The following REXO1 variants were observed in gnomAD, a reference collection of about 807,000 sequenced individuals.
REXO1 encodes the protein RNA exonuclease 1 homolog, also known as REX1, RNA exonuclease 1 homolog.
In REXO1, 42 loss-of-function variants were observed where a neutral mutation model predicts 102.6. The observed-to-expected ratio is 0.41, with a 90% CI of 0.32 to 0.53. The LOEUF (loss-of-function observed/expected upper bound fraction) is 0.53, where lower values mean the gene tolerates loss of function less well. Among genes scored for constraint, REXO1 ranks in the 20% least tolerant of loss-of-function variants. The pLI, the probability that REXO1 is intolerant of heterozygous loss-of-function variation, is 0.27. For synonymous variants in REXO1, 908 were observed against 779.1 expected (o/e 1.17, Z -2.76); for missense variants, 1,819 against 1,732.5 (o/e 1.05, Z -0.89).
rs2145286162 is a variant in REXO1 at position 1,828,443 on chromosome 19, T to C, written c.346A>G (p.Thr116Ala). Reference protein sequence around the residue: ...QRRYRELLETTREHRSAEAPA... With the variant: ...QRRYRELLETAREHRSAEAPA... ...GCCTCGGCGGAGCGGTGCTCACGGGTCGTCTCCAGCAGCTCCCGGTAGCGC... is the reference window on the plus strand; with the variant it reads ...GCCTCGGCGGAGCGGTGCTCACGGGCCGTCTCCAGCAGCTCCCGGTAGCGC... Residue 116 changes from threonine (T) to alanine (A), a missense_variant, in exon 2 of 16, where the codon ACC becomes GCC. Transcript: ENST00000170168. 1.9e-6 allele frequency: 3 copies of C among 1,608,872 alleles called. No homozygotes were observed. Among genetic ancestry groups the C allele is most frequent in the Non-Finnish European group, 2.5e-6 (3 of 1,179,304 alleles).
intron 1 of REXO1, among the ~76,000 whole-genome samples, chr19:1,845,224 C>A (rs2011484910): frequency 6.6e-6 from 1 of 152,212 alleles, no homozygotes; most frequent in East Asian, 1.9e-4. Flanking sequence ...GATAGTAACG[C>A]TCATTCCCAA....
intron 1 of REXO1, among the ~76,000 whole-genome samples, chr19:1,835,899 G>A (rs748362579): frequency 2.6e-5 from 4 of 152,178 alleles, no homozygotes; most frequent in Non-Finnish European, 5.9e-5. Context: ...ACGCAGCCCA[G>A]CCTTGTCCCG....
chr19:1,817,135 C>G (rs557115544), intron 12 of REXO1, 84 bp downstream of exon 12: 34 of 1,442,110 alleles, frequency 2.4e-5, no homozygotes, highest in Admixed American at 1.2e-4. Flanking sequence ...GTGAGCCAGG[C>G]CCAGATGGGG....
chr19:1,837,823 GAA>G (rs1209256778), intron 1 of REXO1, among the ~76,000 whole-genome samples: 5 of 152,214 alleles, frequency 3.3e-5, no homozygotes, highest in Non-Finnish European at 7.3e-5. Flanking sequence ...GTCCAGGGGA[GAA>G]AAAGAAAAAG....
In REXO1 at chr19:1,816,097, T is replaced by C; in HGVS notation, c.3635A>G (p.Lys1212Arg). The change falls in exon 16 of 16, where the codon AAG (lysine) becomes AGG (arginine). Residue 1212 changes from lysine (K) to arginine (R), a missense_variant. Lys to Arg is a conservative substitution (Grantham distance 26, BLOSUM62 2). Transcript: ENST00000170168. ...CTTGGTCTTGGCGTCTTCTCGAACCTTCCAGATCACCAGGTGCATGCAGGC... is the reference window on the plus strand; with the variant it reads ...CTTGGTCTTGGCGTCTTCTCGAACCCTCCAGATCACCAGGTGCATGCAGGC... ...AGACMHLVIWKVREDAKTKR is the reference protein window; with the variant it reads ...AGACMHLVIWRVREDAKTKR The C allele has an allele frequency of 6.5e-7, 1 of 1,548,656 alleles. No homozygotes were observed. The highest frequency in any genetic ancestry group is 1.4e-5 in the African/African-American group (1 of 73,130).
At chr19:1,829,522 T>C (rs974723968) in intron 1 of REXO1, among the ~76,000 whole-genome samples, 19 of 152,202 alleles carry the variant, frequency 1.2e-4, no homozygotes, top group Admixed American at 1.1e-3. Flanking sequence ...TTCAAAACTT[T>C]TTGTAGCTGG....
chr19:1,842,483 TG>T (rs1183491016), intron 1 of REXO1, among the ~76,000 whole-genome samples: 1 of 152,260 alleles, frequency 6.6e-6, no homozygotes, highest in African/African-American at 2.4e-5. Flanking sequence ...ACTGCTCTAC[TG>T]AAGACCTAAG....
At chr19:1,846,960 T>A (rs1336871994) in intron 1 of REXO1, among the ~76,000 whole-genome samples, 1 of 151,680 alleles carries the variant, frequency 6.6e-6, no homozygotes, top group Non-Finnish European at 1.5e-5. Context: ...CTCCCACGCG[T>A]TGCCTTCTTC....
Position 1,828,253 on chromosome 19 carries a change from T to C in REXO1, c.536A>G (p.Lys179Arg). The C allele has an allele frequency of 1.9e-6, 3 of 1,606,806 alleles. No individual in the cohort carries two copies. Among genetic ancestry groups the C allele is most frequent in the Non-Finnish European group, 2.5e-6 (3 of 1,176,558 alleles). Residue 179 changes from lysine (K) to arginine (R), a missense_variant, in exon 2 of 16, where the codon AAG becomes AGG. Lys to Arg is a conservative substitution (Grantham distance 26). Coordinates refer to ENST00000170168, the MANE Select transcript of REXO1 (RefSeq NM_020695.4). ...CCTGTCCAGGGACGCCAGCGAGTACTTGCTGCCCGGCTCGGCAGGGGCGGC... is the reference window on the plus strand; with the variant it reads ...CCTGTCCAGGGACGCCAGCGAGTACCTGCTGCCCGGCTCGGCAGGGGCGGC... ...PLAAPAEPGS[K>R]YSLASLDRGQ...
chr19:1,826,413 C>T lies in REXO1; in HGVS notation c.1911+465G>A, dbSNP rs550373277. 1.6e-3 allele frequency among the ~76,000 whole-genome samples: 227 copies of T among 146,136 alleles called. 1 individual carries two copies. Among genetic ancestry groups the T allele is most frequent in the South Asian group, 1.3e-3 (6 of 4,564 alleles). On this transcript the variant is annotated intron_variant, in intron 2 of 15. Coordinates refer to ENST00000170168, the MANE Select transcript of REXO1 (RefSeq NM_020695.4). This position sits in a 1 kb window ranked among gnomAD's most constrained non-coding sequence, Gnocchi z 4.3. ...AGGAGGGAGGGGAGGAGAAAGGAGCCGGAGGGGATGAGGAGGAGGCAAGGA... is the reference window on the plus strand; with the variant it reads ...AGGAGGGAGGGGAGGAGAAAGGAGCTGGAGGGGATGAGGAGGAGGCAAGGA...
intron 10 of REXO1, 73 bp downstream of exon 10, chr19:1,818,409 T>G: frequency 8.6e-7 from 1 of 1,159,150 alleles, no homozygotes; most frequent in South Asian, 1.4e-5. Flanking sequence ...ACCCCAGTTC[T>G]GGGGGCCTCA....
chr19:1,846,234 G>A (rs894945408), intron 1 of REXO1, among the ~76,000 whole-genome samples: 1 of 152,232 alleles, frequency 6.6e-6, no homozygotes, highest in African/African-American at 2.4e-5. Context: ...AAATCTGGAG[G>A]TGTGGACATG....
In REXO1 at chr19:1,823,795, C is replaced by T; in HGVS notation, c.2017-10G>A. ...TCCTCGGGGGCTCCACCTGCGTCACCACAAATGCTAAGGCCTGGCAGCACA... is the reference window on the plus strand; with the variant it reads ...TCCTCGGGGGCTCCACCTGCGTCACTACAAATGCTAAGGCCTGGCAGCACA... On this transcript the variant is annotated splice_polypyrimidine_tract_variant and intron_variant, in intron 3 of 15. Coordinates refer to ENST00000170168, the MANE Select transcript of REXO1 (RefSeq NM_020695.4). The T allele has an allele frequency of 8.2e-7, 1 of 1,215,146 alleles. No homozygotes were observed. Among genetic ancestry groups the T allele is most frequent in the Non-Finnish European group, 1.0e-6 (1 of 962,942 alleles). The allele number at this position is 1,215,146 out of a possible 1,614,324, so 75.3% of individuals were successfully genotyped here. A position where few individuals can be genotyped will look rare whatever the true frequency, so the allele number is the denominator to read the frequency against.
chr19:1,818,888 G>C (rs759637128), intron 8 of REXO1, 45 bp from the exon 9 acceptor site: 36 of 1,597,744 alleles, frequency 2.3e-5, no homozygotes, highest in Non-Finnish European at 4.3e-6. Context: ...GATGGCCCAC[G>C]GGGCGGTAGA....
Position 1,827,046 on chromosome 19 carries a change from G to T in REXO1, c.1743C>A (p.Ser581=), listed in dbSNP as rs774944770. 4.3e-5 allele frequency: 48 copies of T among 1,121,796 alleles called. 1 individual carries two copies. In the South Asian group the frequency reaches 6.0e-4, roughly 14 times the overall value. The allele number at this position is 1,121,796 out of a possible 1,614,324, so 69.5% of individuals were successfully genotyped here. A position where few individuals can be genotyped will look rare whatever the true frequency, so the allele number is the denominator to read the frequency against. The part of the protein sequence containing the change: ...KASPPPSPAP[S]SSSSSSSSTS... ...TGGAGGAGGAGGAGGAGGAGGAGGA[G>T]GATGGGGCGGGGGAGGGGGGCGGGG... Residue 581 remains serine, a synonymous_variant, in exon 2 of 16, where the codon TCC becomes TCA. Coordinates refer to ENST00000170168, the MANE Select transcript of REXO1 (RefSeq NM_020695.4).
At chr19:1,843,179 T>C (rs1413135254) in intron 1 of REXO1, among the ~76,000 whole-genome samples, 5 of 143,926 alleles carry the variant, frequency 3.5e-5, no homozygotes, top group African/African-American at 1.3e-4. Flanking sequence ...GAGCCGCAGC[T>C]GGGCGAAGCT....
intron 1 of REXO1, among the ~76,000 whole-genome samples, chr19:1,847,477 C>T (rs2011598034): frequency 6.6e-6 from 1 of 151,980 alleles, no homozygotes; most frequent in Non-Finnish European, 1.5e-5. Context: ...CTCGATAACC[C>T]TCCCTCCACG....
In REXO1 at chr19:1,828,375, C is replaced by T. The variant is rs758705534; in HGVS notation, c.414G>A (p.Val138=). The change falls in exon 2 of 16, where the codon GTG becomes GTA. Residue 138 remains valine (V), a synonymous_variant. Coordinates refer to ENST00000170168, the MANE Select transcript of REXO1 (RefSeq NM_020695.4). ...GTGGGAAGGCATCCTCGTCCGGGCC[C>T]ACAGTGGGGCTGGCGTTGGGGCCGC... is the stretch of plus-strand genomic sequence containing the variant. The part of the protein sequence containing the change: ...APRGPNASPT[V]GPDEDAFPLA... 6.2e-7 allele frequency: 1 copy of T among 1,608,918 alleles called. No homozygotes were observed. Among genetic ancestry groups the T allele is most frequent in the East Asian group, 2.2e-5 (1 of 44,736 alleles).
chr19:1,825,198 G>A (rs2069673107), intron 3 of REXO1, among the ~76,000 whole-genome samples: 1 of 149,258 alleles, frequency 6.7e-6, no homozygotes, highest in Non-Finnish European at 1.5e-5. Context: ...TACTCGGGAG[G>A]CTGAAGCAGG....
Sources: gnomAD v4.1 joint callset for allele counts (sites outside exome capture counted in the v4.1 genomes callset) on GRCh38, gnomAD v4.1.1 for gene constraint, Gnocchi (gnomAD v3.1) non-coding constraint, MANE v1.5 for transcripts, NCBI Gene and HGNC (gene_info 2026-07-23, HGNC 2026-07-21) for gene names.